The following RBM33 variants were observed in gnomAD, a reference collection of about 807,000 sequenced individuals.
The protein encoded by RBM33 is RNA-binding protein 33.
Under a neutral mutation model 132.6 loss-of-function variants are expected in RBM33, and 28 were observed. That is an observed-to-expected ratio of 0.21 (90% CI 0.16 to 0.29). The LOEUF (loss-of-function observed/expected upper bound fraction) is 0.29. RBM33 is among the 10% of genes least tolerant of loss of function. The pLI, the probability that RBM33 is intolerant of heterozygous loss-of-function variation, is 1.00. For missense variants in RBM33, 1,291 were observed against 1,518.5 expected (o/e 0.85, Z 2.49); for synonymous variants, 634 against 593.0 (o/e 1.07, Z -1.01).
chr7:155,718,360 C>CT (rs1378611376), intron 8 of RBM33, 25 bp from the exon 9 acceptor site: 2 of 1,607,690 alleles, frequency 1.2e-6, no homozygotes, highest in East Asian at 2.2e-5. Flanking sequence ...AAGTGTGTCT[C>CT]TAACACAAGG....
At chr7:155,763,072 C>T (rs889018529) in intron 14 of RBM33, among the ~76,000 whole-genome samples, 3 of 152,212 alleles carry the variant, frequency 2.0e-5, no homozygotes, top group South Asian at 2.1e-4. Flanking sequence ...TACGTGCCTC[C>T]TGATCGATGA....
chr7:155,652,872 T>G (rs1298762218), intron 1 of RBM33, among the ~76,000 whole-genome samples: 1 of 152,198 alleles, frequency 6.6e-6, no homozygotes, highest in Non-Finnish European at 1.5e-5. Context: ...TAAAAAGTAT[T>G]TGTATTCTAA....
chr7:155,748,014 T>C (rs1210445854), intron 14 of RBM33, among the ~76,000 whole-genome samples: 1 of 152,228 alleles, frequency 6.6e-6, no homozygotes, highest in Non-Finnish European at 1.5e-5. Flanking sequence ...TCTCTGCATA[T>C]GGGGGCTGTG....
chr7:155,655,026 A>T (rs11765905), intron 1 of RBM33, among the ~76,000 whole-genome samples: 46,898 of 152,054 alleles, frequency 0.31, 7,739 homozygotes, highest in Middle Eastern at 0.41. Context: ...GGTATAGATA[A>T]TCAAGCTATT....
intron 14 of RBM33, among the ~76,000 whole-genome samples, chr7:155,755,230 G>A (rs1206789183): frequency 2.6e-5 from 4 of 152,188 alleles, no homozygotes; most frequent in Admixed American, 2.0e-4. Context: ...CGGTGACAGT[G>A]AAGTATGGCC....
intron 5 of RBM33, among the ~76,000 whole-genome samples, chr7:155,694,008 C>G (rs568996319): frequency 6.6e-6 from 1 of 152,142 alleles, no homozygotes; most frequent in African/African-American, 2.4e-5. Context: ...TGCATTGTTG[C>G]CGAGCATCCT....
At chr7:155,739,120 A>C (rs1333252096) in intron 11 of RBM33, 1 of 152,208 alleles carries the variant, frequency 6.6e-6, no homozygotes, top group Non-Finnish European at 1.5e-5. Flanking sequence ...TGTTTTTAAG[A>C]ATTTTTCTTT....
chr7:155,767,188 T>C (rs1304368927), intron 16 of RBM33, among the ~76,000 whole-genome samples: 2 of 152,200 alleles, frequency 1.3e-5, no homozygotes, highest in African/African-American at 2.4e-5. Flanking sequence ...ATGAGATGCA[T>C]GAAAAGGAAC....
intron 9 of RBM33, among the ~76,000 whole-genome samples, chr7:155,733,834 A>G (rs979728259): frequency 1.3e-5 from 2 of 152,170 alleles, no homozygotes; most frequent in Non-Finnish European, 2.9e-5. Flanking sequence ...TTTAGAACCC[A>G]CTTCCCCAAC....
At chr7:155,759,230 A>G (rs1362090621) in intron 14 of RBM33, among the ~76,000 whole-genome samples, 3 of 152,228 alleles carry the variant, frequency 2.0e-5, no homozygotes, top group Non-Finnish European at 4.4e-5. Flanking sequence ...CTTTAAATAG[A>G]GATCAAGCCT....
chr7:155,705,746 G>A (rs1166236583), intron 6 of RBM33, among the ~76,000 whole-genome samples: 1 of 152,180 alleles, frequency 6.6e-6, no homozygotes, highest in Non-Finnish European at 1.5e-5. Flanking sequence ...TTCCCTTTAG[G>A]AACCTAGAAG....
intron 5 of RBM33, among the ~76,000 whole-genome samples, chr7:155,691,376 T>G (rs1248220175): frequency 6.6e-6 from 1 of 152,204 alleles, no homozygotes; most frequent in Admixed American, 6.5e-5. Context: ...CGTCTAATCT[T>G]TTTTCAAGGT....
intron 7 of RBM33, among the ~76,000 whole-genome samples, chr7:155,710,795 C>A (rs1053359061): frequency 6.6e-6 from 1 of 152,104 alleles, no homozygotes; most frequent in African/African-American, 2.4e-5. Context: ...GCCTTGCTTA[C>A]CAGAGTTCCT....
chr7:155,673,940 G>GTTGTTGTTTTTTTTTTTTT lies in RBM33; in HGVS notation c.171+1027_171+1028insGTTGTTTTTTTTTTTTTTT. On this transcript the variant is annotated intron_variant, in intron 3 of 17. Coordinates refer to ENST00000401878, the MANE Select transcript of RBM33 (RefSeq NM_053043.3). Reference sequence around the variant, plus strand: ...TCATTATCAAGATAGTTTAGGCTTAGTTTTTTTTTTTTTTTTTTTTTTTTT... The same window carrying GTTGTTGTTTTTTTTTTTTT: ...TCATTATCAAGATAGTTTAGGCTTAGTTGTTGTTTTTTTTTTTTTTTTTTTTTTTTTTTTTTTTTTTTTT... Among the ~76,000 whole-genome samples the GTTGTTGTTTTTTTTTTTTT allele has an allele frequency of 2.0e-4, 11 of 54,196 alleles. 1 individual carries two copies. Among genetic ancestry groups the GTTGTTGTTTTTTTTTTTTT allele is most frequent in the African/African-American group, 6.6e-4 (8 of 12,126 alleles). 35.6% of individuals were successfully genotyped at this position (54,196 alleles called of 152,430 possible).
chr7:155,673,571 CAT>C (rs1799027043), intron 3 of RBM33, among the ~76,000 whole-genome samples: 3 of 84,078 alleles, frequency 3.6e-5, no homozygotes, highest in African/African-American at 1.7e-4. Context: ...CACACATATA[CAT>C]ACACACGTGT....
At chr7:155,769,254 G>A (rs1360497415) in intron 16 of RBM33, among the ~76,000 whole-genome samples, 3 of 151,846 alleles carry the variant, frequency 2.0e-5, no homozygotes, top group African/African-American at 4.8e-5. Flanking sequence ...GAACTCTTTC[G>A]TTCTTCCTGG....
At chr7:155,661,833 A>T (rs760988131) in intron 1 of RBM33, among the ~76,000 whole-genome samples, 4 of 152,164 alleles carry the variant, frequency 2.6e-5, no homozygotes, top group African/African-American at 9.7e-5. Context: ...TTTCTATGAA[A>T]TCTGACGCCT....
chr7:155,728,079 C>G (rs1263696314), intron 9 of RBM33, among the ~76,000 whole-genome samples: 1 of 152,126 alleles, frequency 6.6e-6, no homozygotes, highest in East Asian at 1.9e-4. Context: ...TGAGGCAACC[C>G]TTTTCACTCT....
chr7:155,673,940 G>GTTGTTGTTTTTTTTTTTT lies in RBM33; in HGVS notation c.171+1027_171+1028insGTTGTTTTTTTTTTTTTT. 3.9e-4 allele frequency among the ~76,000 whole-genome samples: 21 copies of GTTGTTGTTTTTTTTTTTT among 54,214 alleles called. 1 individual carries two copies. Among genetic ancestry groups the GTTGTTGTTTTTTTTTTTT allele is most frequent in the African/African-American group, 1.3e-3 (16 of 12,118 alleles). The allele number at this position is 54,214 out of a possible 152,430, so 35.6% of individuals were successfully genotyped here. A position where few individuals can be genotyped will look rare whatever the true frequency, so the allele number is the denominator to read the frequency against. On this transcript the variant is annotated intron_variant, in intron 3 of 17. Transcript: ENST00000401878. Reference sequence around the variant, plus strand: ...TCATTATCAAGATAGTTTAGGCTTAGTTTTTTTTTTTTTTTTTTTTTTTTT... The same window carrying GTTGTTGTTTTTTTTTTTT: ...TCATTATCAAGATAGTTTAGGCTTAGTTGTTGTTTTTTTTTTTTTTTTTTTTTTTTTTTTTTTTTTTTT...
Sources: gnomAD v4.1 joint callset for allele counts (sites outside exome capture counted in the v4.1 genomes callset) on GRCh38, gnomAD v4.1.1 for gene constraint, MANE v1.5 for transcripts, NCBI Gene and HGNC (gene_info 2026-07-23, HGNC 2026-07-21) for gene names.